BACH2: variants seen among roughly 807,000 people sequenced by gnomAD.
BACH2 encodes transcription regulator protein BACH2.
Under a neutral mutation model 61.8 loss-of-function variants are expected in BACH2, and 5 were observed. The ratio of observed to expected loss-of-function variants is 0.08; its 90% CI spans 0.04 to 0.17. BACH2 has a LOEUF of 0.17. BACH2 is among the 10% of genes least tolerant of loss of function. The pLI is 1.00. For synonymous variants in BACH2, 446 were observed against 440.1 expected, an observed-to-expected ratio of 1.01 and a Z score of -0.17; for missense variants, 824 against 1,091.1, an observed-to-expected ratio of 0.76 and a Z score of 3.45.
chr6:90,050,631 T>A (rs1053182925), intron 5 of BACH2, among the ~76,000 whole-genome samples: 6 of 152,216 alleles, frequency 3.9e-5, no homozygotes, highest in African/African-American at 1.4e-4. Flanking sequence ...CATAAAGATA[T>A]GTTATTCATG....
intron 3 of BACH2, among the ~76,000 whole-genome samples, chr6:90,223,519 A>G (rs541119274): frequency 6.6e-6 from 1 of 152,108 alleles, no homozygotes; most frequent in Non-Finnish European, 1.5e-5. Flanking sequence ...CCCAGGCTGG[A>G]GTGCAGTGGC....
At chr6:90,002,867 A>G (rs1292306929) in intron 6 of BACH2, among the ~76,000 whole-genome samples, 3 of 152,002 alleles carry the variant, frequency 2.0e-5, no homozygotes, top group African/African-American at 7.2e-5. Flanking sequence ...GTTAATGCCA[A>G]CTCCATTCTT....
At chr6:90,060,010 G>A (rs1780598107) in intron 5 of BACH2, among the ~76,000 whole-genome samples, 1 of 149,702 alleles carries the variant, frequency 6.7e-6, no homozygotes, top group Non-Finnish European at 1.5e-5. Flanking sequence ...AGCATTAGGA[G>A]ATATACCTAA....
intron 4 of BACH2, among the ~76,000 whole-genome samples, chr6:90,122,560 A>T (rs1294630713): frequency 2.0e-5 from 3 of 152,228 alleles, no homozygotes; most frequent in Non-Finnish European, 4.4e-5. Flanking sequence ...CCAACTGAAC[A>T]CAATCAATAA....
intron 4 of BACH2, among the ~76,000 whole-genome samples, chr6:90,114,341 C>T (rs1366379439): frequency 2.0e-5 from 3 of 152,106 alleles, no homozygotes; most frequent in Non-Finnish European, 2.9e-5. Flanking sequence ...CTTCATCCCT[C>T]GGATGCAGGG....
intron 4 of BACH2, among the ~76,000 whole-genome samples, chr6:90,189,434 C>T (rs1294800796): frequency 1.3e-5 from 2 of 151,632 alleles, no homozygotes. Flanking sequence ...AGGTGAAACC[C>T]CGTATCTACT....
chr6:89,960,054 C>A (rs182208613), intron 6 of BACH2, among the ~76,000 whole-genome samples: 1 of 152,178 alleles, frequency 6.6e-6, no homozygotes, highest in Non-Finnish European at 1.5e-5. Context: ...CTGCAGCTCC[C>A]GAGGCACCCG....
At chr6:90,081,132 A>T (rs1781705882) in intron 5 of BACH2, among the ~76,000 whole-genome samples, 1 of 152,136 alleles carries the variant, frequency 6.6e-6, no homozygotes, top group Non-Finnish European at 1.5e-5. Flanking sequence ...AGTTAATCTC[A>T]ATGTCAACTA....
chr6:90,069,204 G>A (rs1012967480), intron 5 of BACH2, among the ~76,000 whole-genome samples: 2 of 152,146 alleles, frequency 1.3e-5, no homozygotes, highest in Admixed American at 1.3e-4. Context: ...GTCCGCTGCT[G>A]GGTCTGAGAC....
chr6:90,156,357 C>A (rs1784997002), intron 4 of BACH2, among the ~76,000 whole-genome samples: 3 of 152,196 alleles, frequency 2.0e-5, no homozygotes, highest in Admixed American at 2.0e-4. Flanking sequence ...GAGTGTGCTA[C>A]TTGCCCAGGG....
chr6:90,179,956 A>G (rs1259121626), intron 4 of BACH2, among the ~76,000 whole-genome samples: 1 of 152,280 alleles, frequency 6.6e-6, no homozygotes, highest in East Asian at 1.9e-4. Context: ...AAAAATTCTA[A>G]TAGTTACCCC....
intron 6 of BACH2, among the ~76,000 whole-genome samples, chr6:89,965,579 T>A (rs185671289): frequency 2.4e-3 from 359 of 152,346 alleles, no homozygotes; most frequent in African/African-American, 8.4e-3. Flanking sequence ...TCAATAACTA[T>A]TAGTTGAACT....
intron 3 of BACH2, among the ~76,000 whole-genome samples, chr6:90,229,315 C>T (rs1189771129): frequency 1.3e-5 from 2 of 152,154 alleles, no homozygotes; most frequent in African/African-American, 2.4e-5. Context: ...AAAAAATTAG[C>T]CGGGTGCAGT....
At chr6:90,194,161 T>C (rs919568323) in intron 4 of BACH2, among the ~76,000 whole-genome samples, 1 of 152,094 alleles carries the variant, frequency 6.6e-6, no homozygotes, top group African/African-American at 2.4e-5. Flanking sequence ...CACTGTGAAA[T>C]GAGTTATCAG....
chr6:90,175,095 A>G (rs1190474268), intron 4 of BACH2, among the ~76,000 whole-genome samples: 1 of 152,094 alleles, frequency 6.6e-6, no homozygotes, highest in Non-Finnish European at 1.5e-5. Context: ...GTGTATCTAC[A>G]TGTTATATAT....
chr6:90,156,058 C>T (rs1458321234), intron 4 of BACH2, among the ~76,000 whole-genome samples: 4 of 152,096 alleles, frequency 2.6e-5, no homozygotes, highest in African/African-American at 9.7e-5. Flanking sequence ...GAGGGAGTTC[C>T]GCTATCTGAT....
chr6:90,100,276 A>T (rs891153368), intron 4 of BACH2, among the ~76,000 whole-genome samples: 1 of 152,182 alleles, frequency 6.6e-6, no homozygotes, highest in Non-Finnish European at 1.5e-5. Flanking sequence ...CATGTTTTCA[A>T]TTTACTTGGA....
chr6:90,160,218 C>G (rs1449677042), intron 4 of BACH2, among the ~76,000 whole-genome samples: 2 of 152,148 alleles, frequency 1.3e-5, no homozygotes, highest in African/African-American at 4.8e-5. Context: ...GCACGTGAGG[C>G]CTTAGACAAT....
chr6:90,139,007 C>T (rs182422421), intron 4 of BACH2, among the ~76,000 whole-genome samples: 121 of 152,168 alleles, frequency 8.0e-4, no homozygotes, highest in Admixed American at 2.3e-3. Flanking sequence ...TTGTCCTTTC[C>T]GCCTCATCAT....
Sources: gnomAD v4.1 joint callset for allele counts (sites outside exome capture counted in the v4.1 genomes callset) on GRCh38, gnomAD v4.1.1 for gene constraint, MANE v1.5 for transcripts, NCBI Gene and HGNC (gene_info 2026-07-23, HGNC 2026-07-21) for gene names.